SOBP: variants seen among roughly 807,000 people sequenced by gnomAD.
SOBP encodes the protein sine oculis-binding protein homolog.
In SOBP, 4 loss-of-function variants were observed where a neutral mutation model predicts 53.6. The observed-to-expected ratio is 0.07, with a 90% confidence interval of 0.04 to 0.17. The LOEUF is 0.17. SOBP is among the 10% of genes least tolerant of loss of function. The pLI is 1.00. For synonymous variants in SOBP, 584 were observed against 522.6 expected (o/e 1.12, Z -1.60); for missense variants, 1,088 against 1,204.7 (o/e 0.90, Z 1.43).
intron 3 of SOBP, among the ~76,000 whole-genome samples, chr6:107,506,941 TAGTAATCCCACCTACTCGGGAGGCCG>T (rs1783012280): frequency 6.6e-6 from 1 of 151,778 alleles, no homozygotes. Flanking sequence ...AGTAATTAGC[TAGTAATCCCACCTACTCGGGAGGCCG>T]AGGCAGAAGG....
intron 5 of SOBP, among the ~76,000 whole-genome samples, chr6:107,596,185 A>G (rs1425565325): frequency 3.3e-5 from 5 of 152,130 alleles, no homozygotes; most frequent in Non-Finnish European, 7.3e-5. Flanking sequence ...GAATTCTGAG[A>G]TGCACTTTCC....
chr6:107,586,408 G>A (rs1442728228), intron 4 of SOBP, among the ~76,000 whole-genome samples: 1 of 152,182 alleles, frequency 6.6e-6, no homozygotes, highest in Non-Finnish European at 1.5e-5. Context: ...CTGTATGCAA[G>A]CGGTATTGCT....
chr6:107,533,295 A>G (rs934840524), intron 3 of SOBP, among the ~76,000 whole-genome samples, 164 bp from the exon 4 acceptor site: 315 of 146,290 alleles, frequency 2.2e-3, no homozygotes, highest in African/African-American at 3.8e-3. Context: ...AAAAAAAAAA[A>G]AGAGAGAGAG....
chr6:107,520,360 T>C (rs1429241624), intron 3 of SOBP, among the ~76,000 whole-genome samples: 3 of 152,192 alleles, frequency 2.0e-5, no homozygotes, highest in Non-Finnish European at 2.9e-5. Context: ...ATTTTCTCTT[T>C]TACAGCAGAG....
At chr6:107,551,296 T>C (rs1784452012) in intron 4 of SOBP, among the ~76,000 whole-genome samples, 1 of 152,230 alleles carries the variant, frequency 6.6e-6, no homozygotes, top group African/African-American at 2.4e-5. Context: ...TCCTTTATGA[T>C]TAGAATATCA....
intron 6 of SOBP, among the ~76,000 whole-genome samples, chr6:107,651,099 C>T (rs904048891): frequency 6.6e-6 from 1 of 152,100 alleles, no homozygotes; most frequent in African/African-American, 2.4e-5. Context: ...AACCCTGTCT[C>T]TACAAAAAAT....
chr6:107,554,652 A>G (rs1562610409), intron 4 of SOBP, among the ~76,000 whole-genome samples: 1 of 152,226 alleles, frequency 6.6e-6, no homozygotes, highest in East Asian at 1.9e-4. Flanking sequence ...GCAGAAGTCT[A>G]GAACACAAAG....
chr6:107,633,477 G>A, intron 5 of SOBP, 37 bp from the exon 6 acceptor site: 4 of 1,613,744 alleles, frequency 2.5e-6, no homozygotes, highest in Non-Finnish European at 2.5e-6. Flanking sequence ...TAAATTGCTT[G>A]TCTTACCTGT....
chr6:107,585,620 G>A (rs1437443309), intron 4 of SOBP, among the ~76,000 whole-genome samples: 1 of 152,132 alleles, frequency 6.6e-6, no homozygotes, highest in Non-Finnish European at 1.5e-5. Context: ...CAATAAAAAG[G>A]CACCAAGCAT....
At chr6:107,599,258 T>C (rs980371297) in intron 5 of SOBP, among the ~76,000 whole-genome samples, 6 of 152,156 alleles carry the variant, frequency 3.9e-5, no homozygotes, top group Admixed American at 1.3e-4. Flanking sequence ...TGAGGTAATA[T>C]ATATAGTGTG....
intron 4 of SOBP, among the ~76,000 whole-genome samples, chr6:107,563,799 C>T (rs1262940481): frequency 1.3e-5 from 2 of 152,172 alleles, no homozygotes; most frequent in Admixed American, 6.5e-5. Flanking sequence ...CTCATAGCCA[C>T]ATTTCCCATG....
At chr6:107,599,322 T>C (rs141115529) in intron 5 of SOBP, among the ~76,000 whole-genome samples, 1 of 152,330 alleles carries the variant, frequency 6.6e-6, no homozygotes, top group African/African-American at 2.4e-5. Flanking sequence ...TAAATCCTTT[T>C]GGACTCAACT....
intron 3 of SOBP, among the ~76,000 whole-genome samples, chr6:107,524,898 T>TTC (rs1783617875): frequency 6.6e-6 from 1 of 152,220 alleles, no homozygotes; most frequent in Non-Finnish European, 1.5e-5. Flanking sequence ...AAAAGACATG[T>TTC]CCGCTGTTAA....
rs1486183190 is a variant in SOBP, at chr6:107,587,156, A to G, written c.650A>G (p.Lys217Arg). ...AAGGAAACTCCAAGGCTTGCCTTCA[A>G]GAATAACTGCGAACTACTTGTAAGA... ...YAKETPRLAF[K>R]NNCELLVCDW... The change falls in exon 5 of 7, where the codon AAG becomes AGG. Residue 217 changes from lysine to arginine, a missense_variant. Around this residue, in one of 6 missense-constraint regions of SOBP, gnomAD observed 55 missense variants for 134.3 expected, o/e 0.41. Transcript: ENST00000317357. 4 of 1,613,462 alleles carry G rather than the reference A, an allele frequency of 2.5e-6. No individual in the cohort carries two copies. Among genetic ancestry groups the G allele is most frequent in the Non-Finnish European group, 2.5e-6 (3 of 1,179,722 alleles).
chr6:107,633,918 T>C lies in SOBP; in HGVS notation c.1074T>C (p.Thr358=). ...CCAAGTCCATCCCCATCAGCGAGAC[T>C]CCAAATATCCCTCCTGTCTCCGTCC... ...PVPKSIPISE[T]PNIPPVSVQP... The change falls in exon 6 of 7, where the codon ACT becomes ACC. Residue 358 remains threonine, a synonymous_variant. Coordinates refer to ENST00000317357, the MANE Select transcript of SOBP (RefSeq NM_018013.4). The C allele has an allele frequency of 6.2e-7, 1 of 1,614,124 alleles. No individual in the cohort carries two copies. Among genetic ancestry groups the C allele is most frequent in the Admixed American group, 1.7e-5 (1 of 60,028 alleles).
chr6:107,527,372 C>CT (rs1466940635), intron 3 of SOBP, among the ~76,000 whole-genome samples: 22 of 152,278 alleles, frequency 1.4e-4, no homozygotes, highest in African/African-American at 5.3e-4. Flanking sequence ...CTTAAATAAT[C>CT]TAAGTTAGTG....
At chr6:107,566,938 G>A (rs1052550463) in intron 4 of SOBP, among the ~76,000 whole-genome samples, 10 of 152,212 alleles carry the variant, frequency 6.6e-5, no homozygotes, top group African/African-American at 2.2e-4. Context: ...CAAAAACATG[G>A]CTACACAGTT....
At chr6:107,589,480 G>A (rs560142952) in intron 5 of SOBP, among the ~76,000 whole-genome samples, 51 of 152,274 alleles carry the variant, frequency 3.3e-4, no homozygotes, top group African/African-American at 1.2e-3. Flanking sequence ...AAGCAAAATC[G>A]ATGCCCGGAA....
intron 3 of SOBP, among the ~76,000 whole-genome samples, chr6:107,515,782 A>G (rs892441495): frequency 2.0e-5 from 3 of 152,200 alleles, no homozygotes; most frequent in Non-Finnish European, 4.4e-5. Flanking sequence ...TCTGTTCATC[A>G]TGAACATTCA....
Sources: gnomAD v4.1 joint callset for allele counts (sites outside exome capture counted in the v4.1 genomes callset) on GRCh38, gnomAD v4.1.1 for gene constraint, gnomAD v4.1.1 regional missense constraint, MANE v1.5 for transcripts, NCBI Gene and HGNC (gene_info 2026-07-23, HGNC 2026-07-21) for gene names.